Variants in HDAC4 observed in about 807,000 individuals in gnomAD.
HDAC4 encodes histone deacetylase A.
HDAC4 carries 16 observed loss-of-function variants against 135.1 expected under a neutral mutation model. The ratio of observed to expected loss-of-function variants is 0.12; its 90% CI spans 0.08 to 0.18. The LOEUF (loss-of-function observed/expected upper bound fraction) is 0.18, where lower values mean the gene tolerates loss of function less well. Among genes scored for constraint, HDAC4 ranks in the 10% least tolerant of loss-of-function variants. The probability of loss-of-function intolerance (pLI) is 1.00; values close to 1 mark genes in which losing one functional copy is unlikely to be tolerated. For missense variants in HDAC4, 1,143 were observed against 1,511.8 expected (o/e 0.76, Z 4.05); for synonymous variants, 685 against 653.4 (o/e 1.05, Z -0.74).
In HDAC4 at chr2:239,240,799, G is replaced by A. The variant is rs1169583497; in HGVS notation, c.23-4135C>T. On this transcript the variant is annotated intron_variant, in intron 2 of 26. Transcript: ENST00000543185. This position sits in a 1 kb window ranked among gnomAD's most constrained non-coding sequence, Gnocchi z 4.5. ...GCAGTGACCACATCACTCTTGCCAG[G>A]AGTCCCTTTCGCGCCGACAGGACCC... Among the ~76,000 whole-genome samples the A allele has an allele frequency of 6.6e-6, 1 of 152,184 alleles. No individual in the cohort carries two copies. Among genetic ancestry groups the A allele is most frequent in the East Asian group, 1.9e-4 (1 of 5,188 alleles).
chr2:239,374,382 A>G (rs1408627198), intron 1 of HDAC4, among the ~76,000 whole-genome samples: 1 of 135,384 alleles, frequency 7.4e-6, no homozygotes, highest in Admixed American at 7.3e-5. Context: ...AATAGAAAAC[A>G]AGGCTTTTTT....
chr2:239,338,931 G>A (rs1692117029), intron 2 of HDAC4, among the ~76,000 whole-genome samples: 1 of 152,194 alleles, frequency 6.6e-6, no homozygotes, highest in Non-Finnish European at 1.5e-5. Flanking sequence ...GCTGAGTTTT[G>A]TTTCCGGAGA....
At chr2:239,157,276 A>C (rs537270666) in intron 6 of HDAC4, among the ~76,000 whole-genome samples, 3 of 152,342 alleles carry the variant, frequency 2.0e-5, no homozygotes, top group East Asian at 3.9e-4. Flanking sequence ...TGGAGAGAAG[A>C]AGCCCATGGG....
intron 2 of HDAC4, among the ~76,000 whole-genome samples, chr2:239,311,263 G>A (rs1371585569): frequency 3.3e-5 from 5 of 152,172 alleles, no homozygotes; most frequent in Non-Finnish European, 1.5e-5. Context: ...AACTCCACGT[G>A]TCCCCTGCTG....
rs1010100278 is a variant in HDAC4 at position 239,308,682 on chromosome 2, C to T, written c.22+43996G>A. Among the ~76,000 whole-genome samples the T allele has an allele frequency of 2.0e-5, 3 of 152,166 alleles. No individual in the cohort carries two copies. The highest frequency in any genetic ancestry group is 2.1e-4 in the South Asian group (1 of 4,830). ...TTAACAGGCCTCCGGGTGTCCCCCC[C>T]TTCCAGCCCAGTGCAGGGGTTCAGC... On this transcript the variant is annotated intron_variant, in intron 2 of 26. Coordinates refer to ENST00000543185, the MANE Select transcript of HDAC4 (RefSeq NM_001378414.1). The surrounding 1 kb of genome is among the most constrained non-coding windows in gnomAD (Gnocchi z 4.2).
chr2:239,084,089 C>T, intron 20 of HDAC4, 66 bp downstream of exon 20: 3 of 1,120,270 alleles, frequency 2.7e-6, no homozygotes, highest in South Asian at 2.6e-5. Flanking sequence ...TGTCCACACG[C>T]TGCTGTCCGC....
At position 239,349,170 on chromosome 2, in the gene HDAC4, G is replaced by C. The variant is rs59968472; in HGVS notation, c.22+3508C>G. On this transcript the variant is annotated intron_variant, in intron 2 of 26. Coordinates refer to ENST00000543185, the MANE Select transcript of HDAC4 (RefSeq NM_001378414.1). The surrounding 1 kb of genome is among the most constrained non-coding windows in gnomAD (Gnocchi z 5.7). Reference sequence around the variant, plus strand: ...CAGATGGGCAGGCAAGGGTGAGCCAGGCAGGCAAGAGTGAGCCGGGTGGGC... The same window carrying C: ...CAGATGGGCAGGCAAGGGTGAGCCACGCAGGCAAGAGTGAGCCGGGTGGGC... 1.5e-3 allele frequency among the ~76,000 whole-genome samples: 236 copies of C among 152,280 alleles called. No homozygotes were observed. The highest frequency in any genetic ancestry group is 5.6e-3 in the African/African-American group (231 of 41,566).
rs1267331275 is a variant in HDAC4 at position 239,400,803 on chromosome 2, C to G, written c.-220+175G>C. Reference sequence around the variant, plus strand: ...CGGGCTCGGGCTCGGGCGGCGACAGCCGGGACGCGGCCACGGCGCCGCCGG... The same window carrying G: ...CGGGCTCGGGCTCGGGCGGCGACAGGCGGGACGCGGCCACGGCGCCGCCGG... On this transcript the variant is annotated intron_variant, in intron 1 of 26. Transcript: ENST00000543185. This position sits in a 1 kb window ranked among gnomAD's most constrained non-coding sequence, Gnocchi z 4.7. 6.9e-6 allele frequency: 1 copy of G among 145,824 alleles called. No individual in the cohort carries two copies. Among genetic ancestry groups the G allele is most frequent in the Non-Finnish European group, 1.5e-5 (1 of 65,410 alleles). The allele number at this position is 145,824 out of a possible 1,614,324, so 9.0% of individuals were successfully genotyped here. A position where few individuals can be genotyped will look rare whatever the true frequency, so the allele number is the denominator to read the frequency against.
intron 3 of HDAC4, among the ~76,000 whole-genome samples, chr2:239,206,668 A>C (rs1166097446): frequency 6.6e-6 from 1 of 152,174 alleles, no homozygotes; most frequent in African/African-American, 2.4e-5. Context: ...GGACTGAAAA[A>C]AAAAAAAAAG....
At chr2:239,067,375 G>A (rs2033645760) in intron 23 of HDAC4, among the ~76,000 whole-genome samples, 1 of 152,172 alleles carries the variant, frequency 6.6e-6, no homozygotes, top group South Asian at 2.1e-4. Flanking sequence ...GGTGGATGAG[G>A]GTAATCACCA....
chr2:239,134,596 T>C lies in HDAC4; in HGVS notation c.1026A>G (p.Pro342=), dbSNP rs759713058. The change falls in exon 10 of 27, where the codon CCA becomes CCG. Residue 342 remains proline (P), a synonymous_variant. Coordinates refer to ENST00000543185, the MANE Select transcript of HDAC4 (RefSeq NM_001378414.1). ...RLVAREGSAA[P]LPLYTSPSLP... is the part of the protein sequence containing the mutation. Reference sequence around the variant, plus strand: ...AGGATGGCGATGTGTAGAGGGGAAGTGGAGCGGCCGAGCCTTCTCGTGCCA... The same window carrying C: ...AGGATGGCGATGTGTAGAGGGGAAGCGGAGCGGCCGAGCCTTCTCGTGCCA... 7 of 1,614,006 alleles carry C rather than the reference T, an allele frequency of 4.3e-6. No individual in the cohort carries two copies. The East Asian group carries it at 1.3e-4, about 31-fold the overall frequency.
At chr2:239,067,130 G>T in intron 23 of HDAC4, 1 of 544,382 alleles carries the variant, frequency 1.8e-6, no homozygotes, top group Non-Finnish European at 3.3e-6. Flanking sequence ...CCACCCAGAG[G>T]CTGCAGGCCA....
At chr2:239,255,970 A>C (rs2125032606) in intron 2 of HDAC4, among the ~76,000 whole-genome samples, 1 of 152,382 alleles carries the variant, frequency 6.6e-6, no homozygotes, top group African/African-American at 2.4e-5. Context: ...GTTAAGAGTA[A>C]CCAGCTCTTG....
chr2:239,308,280 G>A lies in HDAC4; in HGVS notation c.22+44398C>T, dbSNP rs551325948. Among the ~76,000 whole-genome samples the A allele has an allele frequency of 1.3e-5, 2 of 152,270 alleles. No homozygotes were observed. Among genetic ancestry groups the A allele is most frequent in the African/African-American group, 4.8e-5 (2 of 41,562 alleles). ...CTGCCTTGGGGACACGAGGGAGCCA[G>A]GGTCACTTTCTTCCTCATCAAGCTG... On this transcript the variant is annotated intron_variant, in intron 2 of 26. Coordinates refer to ENST00000543185, the MANE Select transcript of HDAC4 (RefSeq NM_001378414.1). This position sits in a 1 kb window ranked among gnomAD's most constrained non-coding sequence, Gnocchi z 4.2.
chr2:239,385,198 C>T (rs1695707360), intron 1 of HDAC4, among the ~76,000 whole-genome samples: 1 of 152,216 alleles, frequency 6.6e-6, no homozygotes, highest in South Asian at 2.1e-4. Context: ...GCATCCCCAG[C>T]ACCTCAGCTG....
chr2:239,199,127 C>T (rs1237648971), intron 3 of HDAC4, among the ~76,000 whole-genome samples: 11 of 143,088 alleles, frequency 7.7e-5, no homozygotes, highest in African/African-American at 5.3e-5. Context: ...ACCCCCACCC[C>T]GATAATTTAT....
chr2:239,360,949 G>T (rs1190516434), intron 1 of HDAC4, among the ~76,000 whole-genome samples: 2 of 152,148 alleles, frequency 1.3e-5, no homozygotes, highest in Admixed American at 6.5e-5. Context: ...AGAGGCTGCA[G>T]GTAAGGACAG....
chr2:239,053,783 C>CA (rs994069943), intron 25 of HDAC4, among the ~76,000 whole-genome samples, 182 bp from the exon 26 acceptor site: 39 of 152,122 alleles, frequency 2.6e-4, no homozygotes, highest in Non-Finnish European at 3.8e-4. Context: ...CACAAAGACC[C>CA]AAAAAATCTC....
chr2:239,159,080 TCCA>T (rs2042609210), intron 6 of HDAC4, among the ~76,000 whole-genome samples: 4 of 146,034 alleles, frequency 2.7e-5, no homozygotes, highest in African/African-American at 1.0e-4. Context: ...ACTACTCACC[TCCA>T]CACCTCACAC....
Sources: gnomAD v4.1 joint callset for allele counts (sites outside exome capture counted in the v4.1 genomes callset) on GRCh38, gnomAD v4.1.1 for gene constraint, Gnocchi (gnomAD v3.1) non-coding constraint, MANE v1.5 for transcripts, NCBI Gene and HGNC (gene_info 2026-07-23, HGNC 2026-07-21) for gene names.